Variants in PAICS observed in about 807,000 individuals in gnomAD.
PAICS encodes the protein bifunctional phosphoribosylaminoimidazole carboxylase/phosphoribosylaminoimidazole succinocarboxamide synthetase.
A neutral mutation model predicts 53.7 loss-of-function variants in PAICS; 33 were observed. The ratio of observed to expected loss-of-function variants is 0.61; its 90% CI spans 0.47 to 0.82. The LOEUF (loss-of-function observed/expected upper bound fraction) is 0.82. Among genes scored for constraint, PAICS ranks in the 40% least tolerant of loss-of-function variants. The pLI, the probability that PAICS is intolerant of heterozygous loss-of-function variation, is 0.00. For synonymous variants in PAICS, 141 were observed against 167.2 expected, an observed-to-expected ratio of 0.84 and a Z score of 1.21; for missense variants, 394 against 494.1, an observed-to-expected ratio of 0.80 and a Z score of 1.92.
At chr4:56,436,229 C>G, upstream of PAICS, 1 of 1,541,596 alleles carries the variant, frequency 6.5e-7, no homozygotes, top group Non-Finnish European at 8.8e-7. Context: ...CTTCCCCGCC[C>G]AGCGAAGCTC....
At position 56,448,808 on chromosome 4, in the gene PAICS, A is replaced by G. The variant is rs750075251; in HGVS notation, c.672A>G (p.Gln224=). 26 of 1,557,532 alleles carry G rather than the reference A, an allele frequency of 1.7e-5. No individual in the cohort carries two copies. The highest frequency in any genetic ancestry group is 3.5e-5 in the South Asian group (3 of 86,632). The change falls in exon 5 of 9, where the codon CAA becomes CAG. Residue 224 remains glutamine, a synonymous_variant. Coordinates refer to ENST00000512576, the MANE Select transcript of PAICS (RefSeq NM_001079524.2). ...TCTGGCCATCAGGAGATCGAAGCCA[A>G]CAGAAAGACAAACAGGTAGATAATG... ...WRLWPSGDRS[Q]QKDKQSYRDL... is the part of the protein sequence containing the mutation.
upstream of PAICS, chr4:56,431,548 G>C: frequency 1.0e-6 from 1 of 977,906 alleles, no homozygotes; most frequent in Non-Finnish European, 1.2e-6. Context: ...AACTTCATCA[G>C]GTAAATCTTA....
rs534845180 is a variant in PAICS at position 56,451,008 on chromosome 4, G to T, written c.771+306G>T. 15 of 210,178 alleles carry T rather than the reference G, an allele frequency of 7.1e-5. 1 individual carries two copies. The East Asian group carries it at 1.8e-3, about 25-fold the overall frequency. The allele number at this position is 210,178 out of a possible 1,614,324, so 13.0% of individuals were successfully genotyped here. A position where few individuals can be genotyped will look rare whatever the true frequency, so the allele number is the denominator to read the frequency against. ...AATTTTTTGTATTTTTAGTAGAGAC[G>T]GGGTTTCACCGTGTTAGCCAGGATG... On this transcript the variant is annotated intron_variant, in intron 6 of 8. Coordinates refer to ENST00000512576, the MANE Select transcript of PAICS (RefSeq NM_001079524.2).
intron 2 of PAICS, 122 bp from the exon 3 acceptor site, chr4:56,446,573 T>A (rs1718630316): frequency 1.5e-6 from 1 of 650,150 alleles, no homozygotes; most frequent in African/African-American, 1.8e-5. Flanking sequence ...AAGAGAAAAA[T>A]TACACTTATT....
the PAICS span, among the ~76,000 whole-genome samples, chr4:56,415,022 A>G: frequency 6.6e-6 from 1 of 152,178 alleles, no homozygotes; most frequent in African/African-American, 2.4e-5. Context: ...TTGTTTTCCT[A>G]TTTTAACATA....
At chr4:56,418,643 T>G in the PAICS span, among the ~76,000 whole-genome samples, 5 of 152,226 alleles carry the variant, frequency 3.3e-5, no homozygotes, top group Non-Finnish European at 7.4e-5. Flanking sequence ...TTAATAATAT[T>G]ACATCCAATT....
chr4:56,445,304 T>C (rs114031772), intron 2 of PAICS, among the ~76,000 whole-genome samples: 1,743 of 152,088 alleles, frequency 0.011, 22 homozygotes, highest in African/African-American at 0.04. Context: ...TAAATAATAA[T>C]ACCTACTTCA....
intron 5 of PAICS, among the ~76,000 whole-genome samples, chr4:56,449,982 A>G (rs928566557): frequency 5.3e-5 from 8 of 152,030 alleles, no homozygotes; most frequent in African/African-American, 1.9e-4. Context: ...CTCCAAAAAA[A>G]AAAAAAGAAA....
chr4:56,435,222 C>T (rs911545955), upstream of PAICS: 3 of 1,369,098 alleles, frequency 2.2e-6, no homozygotes, highest in South Asian at 4.0e-5. Context: ...ACGCCACAGG[C>T]AGGTACTGGC....
At position 56,464,176 on chromosome 4, in the gene PAICS, A is replaced by G. The variant is rs1451929753; in HGVS notation, c.*4638A>G. ...ACTTCACCTCCATTTTGCAGAGCCA[A>G]TTTCTCATAATCTGTACATATCCTA... On this transcript the variant is annotated 3_prime_UTR_variant, in exon 9 of 9. Coordinates refer to ENST00000512576, the MANE Select transcript of PAICS (RefSeq NM_001079524.2). 6.6e-6 allele frequency: 1 copy of G among 152,224 alleles called. No homozygotes were observed. The highest frequency in any genetic ancestry group is 1.5e-5 in the Non-Finnish European group (1 of 68,060). 9.4% of individuals were successfully genotyped at this position (152,224 alleles called of 1,614,324 possible).
chr4:56,457,727 G>A (rs555651349), intron 8 of PAICS, among the ~76,000 whole-genome samples: 2 of 147,612 alleles, frequency 1.4e-5, no homozygotes, highest in East Asian at 4.1e-4. Flanking sequence ...ATGCAATGGC[G>A]CAACCTCCGC....
At position 56,461,596 on chromosome 4, in the gene PAICS, T is replaced by C. The variant is rs981354380; in HGVS notation, c.*2058T>C. 2.6e-5 allele frequency: 4 copies of C among 151,990 alleles called. No homozygotes were observed. Among genetic ancestry groups the C allele is most frequent in the African/African-American group, 4.8e-5 (2 of 41,364 alleles). 9.4% of individuals were successfully genotyped at this position (151,990 alleles called of 1,614,324 possible). A position where few individuals can be genotyped will look rare whatever the true frequency, so the allele number is the denominator to read the frequency against. On this transcript the variant is annotated 3_prime_UTR_variant, in exon 9 of 9. Transcript: ENST00000512576. ...TGGAGTGCAGTGGCATGATTATGGC[T>C]CCCTGCAGCCTTGAACTCCTGGACT... is the stretch of plus-strand genomic sequence containing the variant.
At chr4:56,451,430 A>C (rs1266844737) in intron 6 of PAICS, among the ~76,000 whole-genome samples, 1 of 152,202 alleles carries the variant, frequency 6.6e-6, no homozygotes, top group African/African-American at 2.4e-5. Flanking sequence ...CAAGGGTCAT[A>C]ATCACATTTG....
intron 8 of PAICS, among the ~76,000 whole-genome samples, chr4:56,456,744 T>C (rs560545553): frequency 2.6e-5 from 4 of 151,798 alleles, no homozygotes; most frequent in African/African-American, 9.6e-5. Context: ...TTTATATTTC[T>C]TTTGGTTTTT....
upstream of PAICS, among the ~76,000 whole-genome samples, chr4:56,431,734 A>T (rs1717593245): frequency 6.6e-6 from 1 of 152,222 alleles, no homozygotes; most frequent in Admixed American, 6.5e-5. Flanking sequence ...GAATCTTCAA[A>T]TATGTCCAGG....
chr4:56,419,569 TG>T, the PAICS span: 1 of 561,186 alleles, frequency 1.8e-6, no homozygotes. Flanking sequence ...TTACCTTGTC[TG>T]ATGTATATAA....
Position 56,459,552 on chromosome 4 carries a change from T to G in PAICS, c.*14T>G, listed in dbSNP as rs1448921357. ...TGTAATTTATAAGAAAGAATGCCAT[T>G]GAATTTTTTAGGGGAAAAACTACAA... On this transcript the variant is annotated 3_prime_UTR_variant, in exon 9 of 9. Coordinates refer to ENST00000512576, the MANE Select transcript of PAICS (RefSeq NM_001079524.2). 76 of 1,522,388 alleles carry G rather than the reference T, an allele frequency of 5.0e-5. No homozygotes were observed. Among genetic ancestry groups the G allele is most frequent in the Non-Finnish European group, 6.1e-5 (69 of 1,123,468 alleles). The allele number at this position is 1,522,388 out of a possible 1,614,324, so 94.3% of individuals were successfully genotyped here.
the PAICS span, among the ~76,000 whole-genome samples, chr4:56,417,728 A>T: frequency 2.0e-5 from 3 of 152,176 alleles, no homozygotes; most frequent in African/African-American, 4.8e-5. Context: ...TCAAGGCTGC[A>T]GTGAGCCATG....
chr4:56,425,960 T>C, the PAICS span, among the ~76,000 whole-genome samples: 1 of 152,228 alleles, frequency 6.6e-6, no homozygotes, highest in South Asian at 2.1e-4. Context: ...TACTTTTCTA[T>C]TCTCAAACCT....
Sources: gnomAD v4.1 joint callset for allele counts (sites outside exome capture counted in the v4.1 genomes callset) on GRCh38, gnomAD v4.1.1 for gene constraint, MANE v1.5 for transcripts, NCBI Gene and HGNC (gene_info 2026-07-23, HGNC 2026-07-21) for gene names.